The following LRRTM4 variants were observed in gnomAD, a reference collection of about 807,000 sequenced individuals.
The protein encoded by LRRTM4 is leucine rich repeat transmembrane neuronal 4.
Under a neutral mutation model 47.6 loss-of-function variants are expected in LRRTM4, and 25 were observed. The observed-to-expected ratio is 0.53, with a 90% CI of 0.38 to 0.73. The LOEUF (loss-of-function observed/expected upper bound fraction) is 0.73. Ranked by LOEUF, LRRTM4 falls within the 30% of genes least tolerant of loss-of-function variation. The pLI is 0.00. For missense variants in LRRTM4, 638 were observed against 713.4 expected (o/e 0.89, Z 1.20); for synonymous variants, 311 against 269.5 (o/e 1.15, Z -1.51).
At chr2:77,393,583 G>C (rs554992485) in intron 3 of LRRTM4, among the ~76,000 whole-genome samples, 60 of 152,066 alleles carry the variant, frequency 3.9e-4, no homozygotes, top group African/African-American at 1.2e-3. Context: ...TATCCGGAAG[G>C]CTCTGGGGAA....
chr2:76,795,296 A>C (rs1319136138), intron 3 of LRRTM4, among the ~76,000 whole-genome samples: 1 of 152,180 alleles, frequency 6.6e-6, no homozygotes, highest in East Asian at 1.9e-4. Context: ...ATTGTGTACA[A>C]TATCTTGTTT....
At chr2:77,438,920 C>T (rs72811227) in intron 3 of LRRTM4, among the ~76,000 whole-genome samples, 2 of 152,038 alleles carry the variant, frequency 1.3e-5, no homozygotes, top group African/African-American at 4.8e-5. Flanking sequence ...GATATTAGAC[C>T]TTGTTATGGG....
chr2:77,410,548 C>T (rs1674377924), intron 3 of LRRTM4, among the ~76,000 whole-genome samples: 1 of 152,022 alleles, frequency 6.6e-6, no homozygotes. Flanking sequence ...TGAGATAGAT[C>T]CTATGGGAAA....
chr2:76,995,950 G>T (rs1215549187), intron 3 of LRRTM4, among the ~76,000 whole-genome samples: 1 of 152,016 alleles, frequency 6.6e-6, no homozygotes, highest in African/African-American at 2.4e-5. Context: ...AACTCAGGGA[G>T]AAATAATTAA....
intron 3 of LRRTM4, among the ~76,000 whole-genome samples, chr2:77,232,409 G>T (rs193042638): frequency 6.6e-6 from 1 of 152,086 alleles, no homozygotes; most frequent in Non-Finnish European, 1.5e-5. Flanking sequence ...AAAGTGTGAC[G>T]TCCACAGGGC....
chr2:77,011,720 G>A (rs1397981274), intron 3 of LRRTM4, among the ~76,000 whole-genome samples: 2 of 152,058 alleles, frequency 1.3e-5, no homozygotes, highest in African/African-American at 4.8e-5. Flanking sequence ...TGGTTGAGAT[G>A]TTAACTCTTT....
intron 3 of LRRTM4, among the ~76,000 whole-genome samples, chr2:76,770,641 A>G (rs1249871105): frequency 6.6e-6 from 1 of 152,184 alleles, no homozygotes; most frequent in Non-Finnish European, 1.5e-5. Flanking sequence ...ATGAGTAACT[A>G]CCTGTAAAAT....
At chr2:77,275,982 A>G (rs947678460) in intron 3 of LRRTM4, among the ~76,000 whole-genome samples, 1 of 152,092 alleles carries the variant, frequency 6.6e-6, no homozygotes, top group African/African-American at 2.4e-5. Flanking sequence ...ACTAATTTTC[A>G]AAAAATGGGA....
At chr2:77,047,230 T>C (rs1679264166) in intron 3 of LRRTM4, among the ~76,000 whole-genome samples, 1 of 152,080 alleles carries the variant, frequency 6.6e-6, no homozygotes, top group Non-Finnish European at 1.5e-5. Flanking sequence ...TACTCAGTCA[T>C]TTCAGGCACA....
chr2:77,183,409 A>T (rs1363889371), intron 3 of LRRTM4, among the ~76,000 whole-genome samples: 2 of 152,178 alleles, frequency 1.3e-5, no homozygotes, highest in African/African-American at 2.4e-5. Flanking sequence ...TAGAATGGCG[A>T]TCATTAAAAA....
At chr2:77,069,417 GTGTGTGTGTGTGTGTGTGTGTT>G (rs1472658575) in intron 3 of LRRTM4, among the ~76,000 whole-genome samples, 2 of 151,488 alleles carry the variant, frequency 1.3e-5, no homozygotes, top group Admixed American at 6.6e-5. Flanking sequence ...GTGTGTGTGT[GTGTGTGTGTGTGTGTGTGTGTT>G]TGTGTGTGTT....
chr2:77,313,588 C>A (rs1573237747), intron 3 of LRRTM4, among the ~76,000 whole-genome samples: 1 of 152,132 alleles, frequency 6.6e-6, no homozygotes, highest in African/African-American at 2.4e-5. Flanking sequence ...CCCCTGAGCA[C>A]CCTTCCTAGT....
chr2:76,907,465 T>A (rs1450709202), intron 3 of LRRTM4, among the ~76,000 whole-genome samples: 3 of 145,904 alleles, frequency 2.1e-5, no homozygotes, highest in Admixed American at 1.4e-4. Context: ...ATTCAAAAGC[T>A]AGCAGAAGGC....
At chr2:76,778,939 C>A (rs1332117379) in intron 3 of LRRTM4, among the ~76,000 whole-genome samples, 1 of 151,048 alleles carries the variant, frequency 6.6e-6, no homozygotes, top group Non-Finnish European at 1.5e-5. Context: ...TGAATGCATC[C>A]CAGAGATTCT....
At chr2:77,096,449 AAAG>A (rs1184125382) in intron 3 of LRRTM4, among the ~76,000 whole-genome samples, 2 of 151,620 alleles carry the variant, frequency 1.3e-5, no homozygotes, top group African/African-American at 4.8e-5. Context: ...ATATGTAAGA[AAAG>A]AATAGTGAGT....
chr2:76,974,024 A>G (rs1351329748), intron 3 of LRRTM4, among the ~76,000 whole-genome samples: 3 of 151,620 alleles, frequency 2.0e-5, no homozygotes, highest in East Asian at 3.9e-4. Flanking sequence ...CACTAGGAAC[A>G]TGGCACTTAA....
intron 3 of LRRTM4, among the ~76,000 whole-genome samples, chr2:77,101,239 A>G (rs1375818545): frequency 6.6e-6 from 1 of 152,204 alleles, no homozygotes; most frequent in Non-Finnish European, 1.5e-5. Flanking sequence ...AAATGGGAAA[A>G]ATAATTTATA....
chr2:77,088,900 C>T (rs892824330), intron 3 of LRRTM4, among the ~76,000 whole-genome samples: 7 of 152,116 alleles, frequency 4.6e-5, no homozygotes, highest in African/African-American at 9.7e-5. Flanking sequence ...ATCTTGGCAC[C>T]ACACTTCAAT....
At chr2:77,313,213 G>A (rs1044841773) in intron 3 of LRRTM4, among the ~76,000 whole-genome samples, 9 of 136,164 alleles carry the variant, frequency 6.6e-5, no homozygotes, top group African/African-American at 2.3e-4. Context: ...TGTGCCTCCC[G>A]ATGTTTTCCT....
Sources: allele counts gnomAD v4.1 joint callset (sites outside exome capture counted in the v4.1 genomes callset), GRCh38; gene constraint gnomAD v4.1.1; transcripts MANE v1.5; gene names NCBI Gene and HGNC (gene_info 2026-07-23, HGNC 2026-07-21).